PEBP4: variants seen among roughly 807,000 people sequenced by gnomAD.
PEBP4 encodes phosphatidylethanolamine-binding protein 4.
In PEBP4, 22 loss-of-function variants were observed where a neutral mutation model predicts 23.9. The ratio of observed to expected loss-of-function variants is 0.92; its 90% CI spans 0.66 to 1.31. PEBP4 has a LOEUF of 1.31. PEBP4 is among the 40% of genes most tolerant of loss of function. PEBP4 has a pLI of 0.00. For missense variants in PEBP4, 324 were observed against 281.7 expected (o/e 1.15, Z -1.07); for synonymous variants, 112 against 99.3 (o/e 1.13, Z -0.76).
chr8:22,713,441 T>C lies in PEBP4; in HGVS notation c.613A>G (p.Thr205Ala), dbSNP rs1437229653. The change falls in exon 7 of 7, where the codon ACC becomes GCC. Residue 205 changes from threonine to alanine, a missense_variant. Thr to Ala is a moderately conservative substitution (Grantham distance 58, BLOSUM62 0). Coordinates refer to ENST00000256404, the MANE Select transcript of PEBP4 (RefSeq NM_144962.3). ...FMTQNYQDSP[T>A]LQAPRERASE... ...GCCCTTTCTCTGGGAGCCTGGAGGGTTGGTGAGTCCTGGTAGTTCTGGGTC... is the reference window on the plus strand; with the variant it reads ...GCCCTTTCTCTGGGAGCCTGGAGGGCTGGTGAGTCCTGGTAGTTCTGGGTC... The C allele has an allele frequency of 6.2e-7, 1 of 1,613,480 alleles. No individual in the cohort carries two copies. The highest frequency in any genetic ancestry group is 8.5e-7 in the Non-Finnish European group (1 of 1,179,814).
intron 4 of PEBP4, among the ~76,000 whole-genome samples, chr8:22,761,806 G>GCT (rs1291077026): frequency 6.6e-6 from 1 of 152,018 alleles, no homozygotes; most frequent in South Asian, 2.1e-4. Context: ...CTTCTTTCTC[G>GCT]CTCTCTCTCT....
chr8:22,807,029 C>T (rs1422313067), intron 4 of PEBP4, among the ~76,000 whole-genome samples: 4 of 152,094 alleles, frequency 2.6e-5, no homozygotes, highest in South Asian at 2.1e-4. Flanking sequence ...TTTTGAATTC[C>T]GATGTTTTGA....
Position 22,743,421 on chromosome 8 carries a change from C to T in PEBP4, c.358-16201G>A, listed in dbSNP as rs567245965. Among the ~76,000 whole-genome samples, 15 of 152,330 alleles carry T rather than the reference C, an allele frequency of 9.8e-5. No homozygotes were observed. The East Asian group carries it at 1.2e-3, about 12-fold the overall frequency. On this transcript the variant is annotated intron_variant, in intron 4 of 6. Transcript: ENST00000256404. The stretch of plus-strand genomic sequence containing the variant: ...GTGTACTCATAAAACAGGCTAATGA[C>T]GGCCCTCGGCCCTCATTTTATGGAC...
chr8:22,878,602 T>G (rs1808179338), intron 3 of PEBP4, among the ~76,000 whole-genome samples: 1 of 152,204 alleles, frequency 6.6e-6, no homozygotes, highest in South Asian at 2.1e-4. Context: ...CTGGCACCTC[T>G]GGGTTTGGGT....
chr8:22,922,992 C>T (rs907274381), intron 2 of PEBP4, among the ~76,000 whole-genome samples: 5 of 152,174 alleles, frequency 3.3e-5, no homozygotes, highest in Non-Finnish European at 5.9e-5. Flanking sequence ...CCCAATATAT[C>T]GGGGACATCA....
intron 3 of PEBP4, among the ~76,000 whole-genome samples, chr8:22,891,546 C>A (rs1393527410): frequency 6.6e-6 from 1 of 152,230 alleles, no homozygotes; most frequent in Non-Finnish European, 1.5e-5. Flanking sequence ...AGGCATAGTA[C>A]TGTCTCTAGC....
chr8:22,811,297 C>A (rs912042215), intron 4 of PEBP4, among the ~76,000 whole-genome samples: 3 of 152,178 alleles, frequency 2.0e-5, no homozygotes, highest in East Asian at 3.8e-4. Flanking sequence ...CAGGACACAG[C>A]GACCTCAGCA....
At chr8:22,721,631 C>T (rs1467009098) in intron 6 of PEBP4, among the ~76,000 whole-genome samples, 1 of 152,138 alleles carries the variant, frequency 6.6e-6, no homozygotes, top group African/African-American at 2.4e-5. Context: ...CTGACCTTTC[C>T]CCTCGAGTCT....
intron 4 of PEBP4, among the ~76,000 whole-genome samples, chr8:22,731,722 G>A (rs1011189229): frequency 6.6e-6 from 1 of 151,672 alleles, no homozygotes; most frequent in Admixed American, 6.6e-5. Context: ...GCAGTGGCAC[G>A]ATCTCGGCTC....
intron 2 of PEBP4, chr8:22,925,410 C>A: frequency 1.2e-6 from 1 of 817,796 alleles, no homozygotes; most frequent in Non-Finnish European, 1.5e-6. Context: ...TAGATCTTGG[C>A]TCTGCTACTT....
At chr8:22,919,663 G>C (rs751461167) in intron 3 of PEBP4, among the ~76,000 whole-genome samples, 3 of 152,204 alleles carry the variant, frequency 2.0e-5, no homozygotes, top group Non-Finnish European at 4.4e-5. Context: ...AAAGAAGAGC[G>C]TGTCTCATGT....
intron 4 of PEBP4, among the ~76,000 whole-genome samples, chr8:22,741,525 A>C (rs779913679): frequency 6.6e-6 from 1 of 152,210 alleles, no homozygotes; most frequent in Non-Finnish European, 1.5e-5. Context: ...TGGAGCTCAC[A>C]GTTGGTCCCA....
At chr8:22,852,276 G>A (rs1807566828) in intron 3 of PEBP4, among the ~76,000 whole-genome samples, 1 of 152,178 alleles carries the variant, frequency 6.6e-6, no homozygotes, top group African/African-American at 2.4e-5. Flanking sequence ...AGCCCCTAGA[G>A]TACAGAAGAA....
chr8:22,766,026 G>A (rs1422665642), intron 4 of PEBP4, among the ~76,000 whole-genome samples: 4 of 152,254 alleles, frequency 2.6e-5, no homozygotes, highest in East Asian at 1.9e-4. Flanking sequence ...TGCTATTTTC[G>A]AGGAAGAGCT....
intron 4 of PEBP4, among the ~76,000 whole-genome samples, chr8:22,814,634 G>GCT (rs1806700343): frequency 6.6e-6 from 1 of 152,216 alleles, no homozygotes; most frequent in Admixed American, 6.5e-5. Flanking sequence ...AGGGTCAGCT[G>GCT]AAGTTCCACC....
At chr8:22,776,964 G>T (rs1200666120) in intron 4 of PEBP4, among the ~76,000 whole-genome samples, 2 of 151,884 alleles carry the variant, frequency 1.3e-5, no homozygotes, top group Non-Finnish European at 2.9e-5. Flanking sequence ...GTCCTACGGG[G>T]GCAGGCTTGG....
intron 5 of PEBP4, among the ~76,000 whole-genome samples, chr8:22,725,220 G>A (rs372480433): frequency 2.0e-5 from 3 of 152,216 alleles, no homozygotes; most frequent in African/African-American, 4.8e-5. Flanking sequence ...GGGTGCTGGC[G>A]TGGCTCCCAG....
chr8:22,849,985 G>A (rs1447446850), intron 3 of PEBP4, among the ~76,000 whole-genome samples: 1 of 152,082 alleles, frequency 6.6e-6, no homozygotes, highest in Non-Finnish European at 1.5e-5. Flanking sequence ...AAATTAGGGT[G>A]GGGGCAGTGG....
intron 3 of PEBP4, among the ~76,000 whole-genome samples, chr8:22,858,018 C>T (rs1807691425): frequency 1.3e-5 from 2 of 152,184 alleles, no homozygotes; most frequent in African/African-American, 4.8e-5. Flanking sequence ...TCCTCCACCA[C>T]TTTTCAGAGC....
Sources: gnomAD v4.1 joint callset for allele counts (sites outside exome capture counted in the v4.1 genomes callset) on GRCh38, gnomAD v4.1.1 for gene constraint, MANE v1.5 for transcripts, NCBI Gene and HGNC (gene_info 2026-07-23, HGNC 2026-07-21) for gene names.